PTPRD: variants seen among roughly 807,000 people sequenced by gnomAD.
The protein encoded by PTPRD is protein tyrosine phosphatase receptor type D.
In PTPRD, 34 loss-of-function variants were observed where a neutral mutation model predicts 214.5. That is an observed-to-expected ratio of 0.16 (90% confidence interval 0.12 to 0.21). PTPRD has a LOEUF of 0.21. Ranked by LOEUF, PTPRD falls within the 10% of genes least tolerant of loss-of-function variation. The probability of loss-of-function intolerance (pLI) is 1.00; values close to 1 mark genes in which losing one functional copy is unlikely to be tolerated. For synonymous variants in PTPRD, 1,128 were observed against 845.7 expected, an observed-to-expected ratio of 1.33 and a Z score of -5.79; for missense variants, 2,545 against 2,398.7, an observed-to-expected ratio of 1.06 and a Z score of -1.27.
intron 4 of PTPRD, among the ~76,000 whole-genome samples, chr9:9,989,445 C>A (rs2095837761): frequency 6.6e-6 from 1 of 152,116 alleles, no homozygotes. Flanking sequence ...TGGAGAGAAG[C>A]AGCCTGACTT....
At chr9:10,325,328 A>G (rs1220060439) in intron 3 of PTPRD, among the ~76,000 whole-genome samples, 1 of 151,950 alleles carries the variant, frequency 6.6e-6, no homozygotes, top group South Asian at 2.1e-4. Context: ...AAACGTTTTA[A>G]TGTTCTACTG....
chr9:9,187,924 TA>T (rs1216997405), intron 9 of PTPRD, among the ~76,000 whole-genome samples: 2 of 151,784 alleles, frequency 1.3e-5, no homozygotes, highest in East Asian at 1.9e-4. Flanking sequence ...TAATTTAAAT[TA>T]AAAAAATCAA....
chr9:8,845,937 C>T (rs1397646878), intron 11 of PTPRD, among the ~76,000 whole-genome samples: 1 of 152,158 alleles, frequency 6.6e-6, no homozygotes, highest in African/African-American at 2.4e-5. Flanking sequence ...CATTTGGCAG[C>T]CTGGATGAGG....
intron 4 of PTPRD, among the ~76,000 whole-genome samples, chr9:9,971,470 G>T (rs1037544917): frequency 1.3e-5 from 2 of 152,204 alleles, no homozygotes; most frequent in Admixed American, 1.3e-4. Context: ...CTCTACTTTT[G>T]TATTTTGAAT....
intron 26 of PTPRD, 130 bp from the exon 27 acceptor site, chr9:8,493,109 T>C: frequency 1.4e-6 from 1 of 720,686 alleles, no homozygotes; most frequent in Non-Finnish European, 2.4e-6. Flanking sequence ...CCCTGGAAAT[T>C]TCATGCCTGA....
chr9:8,859,209 T>G (rs1044101571), intron 11 of PTPRD, among the ~76,000 whole-genome samples: 1 of 152,148 alleles, frequency 6.6e-6, no homozygotes, highest in Non-Finnish European at 1.5e-5. Context: ...GCCACTTGCT[T>G]TTATGTTGTT....
chr9:10,008,742 T>A (rs1352523780), intron 4 of PTPRD, among the ~76,000 whole-genome samples: 3 of 151,984 alleles, frequency 2.0e-5, no homozygotes, highest in African/African-American at 7.2e-5. Context: ...GGAATAAAGC[T>A]TTCCCTATAA....
intron 3 of PTPRD, among the ~76,000 whole-genome samples, chr9:10,099,287 A>G (rs549073259): frequency 1.8e-4 from 27 of 151,790 alleles, no homozygotes; most frequent in African/African-American, 6.5e-4. Context: ...TAACCTCTCT[A>G]TGATTCAGTT....
At chr9:10,491,826 C>T (rs1385975719) in intron 2 of PTPRD, among the ~76,000 whole-genome samples, 1 of 151,736 alleles carries the variant, frequency 6.6e-6, no homozygotes, top group African/African-American at 2.4e-5. Flanking sequence ...AACCCATCAT[C>T]TACATTAGGT....
At chr9:8,567,332 C>G (rs562386112) in intron 14 of PTPRD, among the ~76,000 whole-genome samples, 6 of 152,316 alleles carry the variant, frequency 3.9e-5, no homozygotes, top group African/African-American at 1.4e-4. Context: ...TTCTTTAAGG[C>G]ATAGCTCAGG....
At chr9:8,374,070 T>C (rs971492601) in intron 39 of PTPRD, among the ~76,000 whole-genome samples, 1 of 151,282 alleles carries the variant, frequency 6.6e-6, no homozygotes, top group African/African-American at 2.4e-5. Flanking sequence ...TATGTGTCTC[T>C]AATTTTTGTT....
intron 2 of PTPRD, among the ~76,000 whole-genome samples, chr9:10,468,355 A>C (rs2099008147): frequency 6.6e-6 from 1 of 152,176 alleles, no homozygotes; most frequent in African/African-American, 2.4e-5. Context: ...TTGCAGAGAC[A>C]CAGATCAAGC....
chr9:8,922,621 T>A (rs2098835257), intron 11 of PTPRD, among the ~76,000 whole-genome samples: 1 of 151,626 alleles, frequency 6.6e-6, no homozygotes. Context: ...TTCCATGTAG[T>A]TTTTTAACTT....
At chr9:9,845,498 G>T (rs1282667998) in intron 5 of PTPRD, among the ~76,000 whole-genome samples, 2 of 151,744 alleles carry the variant, frequency 1.3e-5, no homozygotes. Context: ...GTTTGAGGGT[G>T]AGGTGGGGGG....
chr9:10,604,050 T>G (rs1444607946), intron 2 of PTPRD, among the ~76,000 whole-genome samples: 2 of 151,576 alleles, frequency 1.3e-5, no homozygotes, highest in Non-Finnish European at 2.9e-5. Flanking sequence ...TCACCATAGC[T>G]CCCTATGAAG....
chr9:10,402,848 G>C (rs1184676247), intron 2 of PTPRD, among the ~76,000 whole-genome samples: 1 of 151,550 alleles, frequency 6.6e-6, no homozygotes, highest in Non-Finnish European at 1.5e-5. Flanking sequence ...AACCATGAAT[G>C]TCTTTATTGC....
chr9:9,872,063 G>C (rs920369682), intron 5 of PTPRD, among the ~76,000 whole-genome samples: 2 of 152,028 alleles, frequency 1.3e-5, no homozygotes, highest in Non-Finnish European at 2.9e-5. Flanking sequence ...TCTGTGGTGG[G>C]GTCATGATGG....
intron 11 of PTPRD, among the ~76,000 whole-genome samples, chr9:8,759,334 G>T (rs1440499015): frequency 6.6e-6 from 1 of 152,098 alleles, no homozygotes; most frequent in African/African-American, 2.4e-5. Flanking sequence ...TTACAGGTGT[G>T]AGCCACCATG....
intron 2 of PTPRD, among the ~76,000 whole-genome samples, chr9:10,543,173 C>T (rs112564397): frequency 5.9e-5 from 9 of 152,230 alleles, no homozygotes; most frequent in African/African-American, 1.7e-4. Flanking sequence ...GTGCAAGCCA[C>T]CACGCCCGGC....
Sources: allele counts gnomAD v4.1 joint callset (sites outside exome capture counted in the v4.1 genomes callset), GRCh38; gene constraint gnomAD v4.1.1; transcripts MANE v1.5; gene names NCBI Gene and HGNC (gene_info 2026-07-23, HGNC 2026-07-21).